PLPP1: variants seen among roughly 807,000 people sequenced by gnomAD.
PLPP1 encodes phospholipid phosphatase 1.
A neutral mutation model predicts 31.2 loss-of-function variants in PLPP1; 24 were observed. The observed-to-expected ratio is 0.77, with a 90% CI of 0.56 to 1.08. PLPP1 has a LOEUF of 1.08. Ranked by LOEUF, PLPP1 falls within the 50% of genes least tolerant of loss-of-function variation. The pLI is 0.00. For missense variants in PLPP1, 319 were observed against 342.7 expected (o/e 0.93, Z 0.55); for synonymous variants, 146 against 126.3 (o/e 1.16, Z -1.05).
At chr5:55,493,284 C>T (rs915235006) in intron 1 of PLPP1, among the ~76,000 whole-genome samples, 15 of 150,174 alleles carry the variant, frequency 1.0e-4, no homozygotes, top group Non-Finnish European at 5.9e-5. Flanking sequence ...TACTGCACCC[C>T]AGCCTGGGCA....
intron 1 of PLPP1, among the ~76,000 whole-genome samples, chr5:55,491,661 G>A (rs772335817): frequency 1.6e-4 from 25 of 151,800 alleles, no homozygotes; most frequent in Admixed American, 3.3e-4. Context: ...AGTTCAAGAC[G>A]AGCCTGGCCA....
intron 4 of PLPP1, among the ~76,000 whole-genome samples, chr5:55,432,155 G>C (rs966593806): frequency 6.7e-6 from 1 of 149,348 alleles, no homozygotes; most frequent in African/African-American, 2.5e-5. Flanking sequence ...TGTTGCCCAG[G>C]CTGGTCTTGA....
chr5:55,495,152 G>T (rs7736321), intron 1 of PLPP1, among the ~76,000 whole-genome samples: 130,657 of 147,990 alleles, frequency 0.88, 57,825 homozygotes, highest in South Asian at 0.92. Flanking sequence ...AAAAAAAAAT[G>T]TATTAAATGG....
At chr5:55,454,578 T>C (rs1751965605) in intron 3 of PLPP1, among the ~76,000 whole-genome samples, 1 of 152,224 alleles carries the variant, frequency 6.6e-6, no homozygotes, top group Non-Finnish European at 1.5e-5. Context: ...GGAGACTAAG[T>C]AGCACTGCTT....
intron 3 of PLPP1, among the ~76,000 whole-genome samples, chr5:55,456,933 G>A (rs1752026188): frequency 6.6e-6 from 1 of 152,112 alleles, no homozygotes; most frequent in Admixed American, 6.5e-5. Context: ...AGGCTAAGGT[G>A]GGCAGATCAT....
At position 55,432,277 on chromosome 5, in the gene PLPP1, G is replaced by T. The variant is rs374122818; in HGVS notation, c.550-6238C>A. Reference sequence around the variant, plus strand: ...TACTGCTAACTGCTGTGCATGAACTGGAAAGCCCAGAATAAATGGATCAAT... The same window carrying T: ...TACTGCTAACTGCTGTGCATGAACTTGAAAGCCCAGAATAAATGGATCAAT... On this transcript the variant is annotated intron_variant, in intron 4 of 5. Transcript: ENST00000307259. 2.6e-5 allele frequency among the ~76,000 whole-genome samples: 4 copies of T among 151,922 alleles called. No individual in the cohort carries two copies. In the South Asian group the frequency reaches 8.3e-4, roughly 32 times the overall value.
intron 1 of PLPP1, among the ~76,000 whole-genome samples, chr5:55,514,707 A>G (rs931942172): frequency 2.0e-5 from 3 of 152,256 alleles, no homozygotes; most frequent in African/African-American, 7.2e-5. Context: ...TATAAGGCAT[A>G]CATGCCAAAA....
chr5:55,486,912 C>CA lies in PLPP1; in HGVS notation c.59-11463dup, dbSNP rs1047753776. ...TGGGCGACAGAGCGAGACTCCACCT[C>CA]AAAAAAAAAAAAGTGATTAAGCCCT... On this transcript the variant is annotated intron_variant, in intron 1 of 5. Transcript: ENST00000307259. Among the ~76,000 whole-genome samples, 722 of 138,774 alleles carry CA rather than the reference C, an allele frequency of 5.2e-3. 5 individuals are homozygous for CA. Among genetic ancestry groups the CA allele is most frequent in the African/African-American group, 0.016 (609 of 37,928 alleles). The allele number at this position is 138,774 out of a possible 152,430, so 91.0% of individuals were successfully genotyped here.
intron 3 of PLPP1, among the ~76,000 whole-genome samples, chr5:55,443,276 A>G (rs979498247): frequency 1.4e-5 from 2 of 146,384 alleles, no homozygotes; most frequent in Non-Finnish European, 3.0e-5. Flanking sequence ...TCTTTTTGTA[A>G]TCAGATACAT....
chr5:55,438,637 C>G (rs546646712), intron 4 of PLPP1, among the ~76,000 whole-genome samples: 28 of 152,026 alleles, frequency 1.8e-4, no homozygotes, highest in Non-Finnish European at 3.4e-4. Context: ...CGCGGTGGCT[C>G]ACGCCTGTAA....
rs201433974 is a variant in PLPP1, at chr5:55,434,731, AT to A, written c.549+7119del. On this transcript the variant is annotated intron_variant, in intron 4 of 5. Coordinates refer to ENST00000307259, the MANE Select transcript of PLPP1 (RefSeq NM_003711.4). ...AAATTGGATATCCATATGCAGAAGA[AT>A]GAAATTGGACCCCTATCTCTCAAGT... is the stretch of plus-strand genomic sequence containing the variant. Among the ~76,000 whole-genome samples the A allele has an allele frequency of 7.7e-3, 1,174 of 152,298 alleles. 18 individuals carry two copies. Among genetic ancestry groups the A allele is most frequent in the Non-Finnish European group, 9.3e-3 (635 of 68,022 alleles).
intron 1 of PLPP1, among the ~76,000 whole-genome samples, chr5:55,534,044 T>G (rs542706606): frequency 6.6e-6 from 1 of 152,232 alleles, no homozygotes; most frequent in Middle Eastern, 3.4e-3. Flanking sequence ...ACGCAAAAAC[T>G]TGGCGTGCTC....
chr5:55,426,022 C>T lies in PLPP1; in HGVS notation c.567G>A (p.Arg189=). 1.9e-6 allele frequency: 3 copies of T among 1,597,300 alleles called. No homozygotes were observed. Among genetic ancestry groups the T allele is most frequent in the Non-Finnish European group, 1.7e-6 (2 of 1,175,564 alleles). ...AGAGTCTTGCCCAGTCTCCCTTCATCCTGGCTTGAAGATAAAGCTAAAAGA... is the reference window on the plus strand; with the variant it reads ...AGAGTCTTGCCCAGTCTCCCTTCATTCTGGCTTGAAGATAAAGCTAAAAGA... ...MLFVALYLQA[R]MKGDWARLLR... Residue 189 remains arginine (R), a synonymous_variant, in exon 5 of 6, where the codon AGG becomes AGA. Coordinates refer to ENST00000307259, the MANE Select transcript of PLPP1 (RefSeq NM_003711.4).
At chr5:55,431,092 A>G (rs1180621069) in intron 4 of PLPP1, among the ~76,000 whole-genome samples, 1 of 152,234 alleles carries the variant, frequency 6.6e-6, no homozygotes, top group Non-Finnish European at 1.5e-5. Flanking sequence ...CAAATATTCA[A>G]ATTTTTGGTG....
chr5:55,432,748 C>T (rs1388099679), intron 4 of PLPP1, among the ~76,000 whole-genome samples: 2 of 150,956 alleles, frequency 1.3e-5, no homozygotes, highest in Non-Finnish European at 2.9e-5. Context: ...TGACACATCA[C>T]ATTCAAATGT....
At chr5:55,426,641 C>G (rs2111652539) in intron 4 of PLPP1, among the ~76,000 whole-genome samples, 1 of 151,980 alleles carries the variant, frequency 6.6e-6, no homozygotes, top group South Asian at 2.1e-4. Flanking sequence ...CTCCTCGTCT[C>G]AAGTAACCCG....
In PLPP1 at chr5:55,468,103, G is replaced by A; in HGVS notation, c.257C>T (p.Ser86Leu). The stretch of plus-strand genomic sequence containing the variant: ...GTAGTTATTCCTGATAAAGGAATTT[G>A]AGTGCAAAAGGTTACAGTAAACAGA... ...TLSVYCNLLH[S>L]NSFIRNNYIA... The change falls in exon 3 of 6, where the codon TCA becomes TTA. Residue 86 changes from serine to leucine, a missense_variant. Physicochemically the swap from Ser to Leu is moderately radical, Grantham distance 145. Coordinates refer to ENST00000307259, the MANE Select transcript of PLPP1 (RefSeq NM_003711.4). 6.2e-7 allele frequency: 1 copy of A among 1,612,192 alleles called. No homozygotes were observed. Among genetic ancestry groups the A allele is most frequent in the South Asian group, 1.1e-5 (1 of 90,778 alleles).
intron 2 of PLPP1, among the ~76,000 whole-genome samples, chr5:55,472,171 T>C (rs1430000726): frequency 3.3e-5 from 5 of 152,204 alleles, no homozygotes; most frequent in African/African-American, 4.8e-5. Flanking sequence ...TAAGCAGTGT[T>C]TGTTTTCAGT....
intron 1 of PLPP1, among the ~76,000 whole-genome samples, chr5:55,517,420 C>T (rs1404386630): frequency 1.3e-5 from 2 of 151,914 alleles, no homozygotes; most frequent in African/African-American, 4.8e-5. Flanking sequence ...TGGTCTTGAA[C>T]TCCTGGGCTC....
Sources: allele counts gnomAD v4.1 joint callset (sites outside exome capture counted in the v4.1 genomes callset), GRCh38; gene constraint gnomAD v4.1.1; transcripts MANE v1.5; gene names NCBI Gene and HGNC (gene_info 2026-07-23, HGNC 2026-07-21).